Variants in TLE1 observed in about 807,000 individuals in gnomAD.
TLE1 encodes the protein TLE family member 1, transcriptional corepressor.
A neutral mutation model predicts 89.8 loss-of-function variants in TLE1; 21 were observed. The ratio of observed to expected loss-of-function variants is 0.23; its 90% CI spans 0.17 to 0.34. TLE1 has a LOEUF of 0.34. TLE1 is among the 10% of genes least tolerant of loss of function. TLE1 has a pLI of 1.00. For synonymous variants in TLE1, 447 were observed against 407.6 expected (o/e 1.10, Z -1.16); for missense variants, 795 against 1,031.2 (o/e 0.77, Z 3.14).
chr9:81,624,165 G>A (rs1588015556), intron 8 of TLE1, among the ~76,000 whole-genome samples: 1 of 152,200 alleles, frequency 6.6e-6, no homozygotes. Flanking sequence ...AATACCTGAC[G>A]CATGGTTTCT....
chr9:81,604,213 TG>T (rs1831336165), intron 14 of TLE1, among the ~76,000 whole-genome samples: 1 of 152,160 alleles, frequency 6.6e-6, no homozygotes, highest in Non-Finnish European at 1.5e-5. Flanking sequence ...TTTCCTTCCC[TG>T]CACCCCATCC....
Position 81,610,094 on chromosome 9 carries a change from A to AGGAAAAGACACCAGAAATCTCCTT in TLE1, c.1331+102_1331+125dup, listed in dbSNP as rs1350576205. The AGGAAAAGACACCAGAAATCTCCTT allele has an allele frequency of 1.7e-5, 13 of 785,932 alleles. No homozygotes were observed. In the East Asian group the frequency reaches 3.5e-4, roughly 21 times the overall value. The allele number at this position is 785,932 out of a possible 1,614,324, so 48.7% of individuals were successfully genotyped here. ...TTTATAGAAAGTGTTAACACTCCTC[A>AGGAAAAGACACCAGAAATCTCCTT]GGAAAAGACACCAGAAATCTCCTTG... On this transcript the variant is annotated intron_variant, in intron 14 of 19. Transcript: ENST00000376499.
At chr9:81,601,881 C>A (rs1444304994) in intron 14 of TLE1, among the ~76,000 whole-genome samples, 1 of 152,168 alleles carries the variant, frequency 6.6e-6, no homozygotes, top group East Asian at 1.9e-4. Flanking sequence ...CCCACCTATT[C>A]AAGGCAACGA....
At position 81,616,019 on chromosome 9, in the gene TLE1, G is replaced by A; in HGVS notation, c.881C>T (p.Ala294Val). Residue 294 changes from alanine to valine, a missense_variant, in exon 11 of 20, where the codon GCA (alanine) becomes GTA (valine). This residue lies in a region of TLE1 where 468 missense variants were observed against 509.1 expected (regional missense o/e 0.92). Coordinates refer to ENST00000376499, the MANE Select transcript of TLE1 (RefSeq NM_005077.5). ...TTTGGATTTCAAAGAAGTGGAACTT[G>A]CCGAGGAGGCCGTGGAAGCTGGACT... ...SSSPASTASS[A>V]SSTSLKSKEM... The A allele has an allele frequency of 2.5e-6, 4 of 1,613,822 alleles. No individual in the cohort carries two copies. Among genetic ancestry groups the A allele is most frequent in the Non-Finnish European group, 3.4e-6 (4 of 1,179,982 alleles).
intron 9 of TLE1, 113 bp from the exon 10 acceptor site, chr9:81,616,812 G>A (rs998716069): frequency 1.7e-6 from 2 of 1,146,862 alleles, no homozygotes; most frequent in South Asian, 2.6e-5. Context: ...AACTACCTGG[G>A]ACAGGCCTGC....
At chr9:81,602,823 G>C (rs1006604611) in intron 14 of TLE1, among the ~76,000 whole-genome samples, 54 of 151,838 alleles carry the variant, frequency 3.6e-4, no homozygotes, top group Admixed American at 3.0e-3. Context: ...TTTTAACAAA[G>C]AATAAGACTG....
At chr9:81,632,496 T>TGA (rs1554681252) in intron 8 of TLE1, among the ~76,000 whole-genome samples, 1 of 149,392 alleles carries the variant, frequency 6.7e-6, no homozygotes, top group Non-Finnish European at 1.5e-5. Flanking sequence ...TTTTTTTTTT[T>TGA]ACCATATTAA....
At chr9:81,615,708 G>A (rs1323440631) in intron 11 of TLE1, among the ~76,000 whole-genome samples, 6 of 116,066 alleles carry the variant, frequency 5.2e-5, no homozygotes, top group South Asian at 6.0e-4. Context: ...GTGAGACTCC[G>A]TCTCAAAAAA....
intron 9 of TLE1, among the ~76,000 whole-genome samples, chr9:81,619,216 T>A (rs1308472807): frequency 6.6e-6 from 1 of 152,178 alleles, no homozygotes; most frequent in South Asian, 2.1e-4. Flanking sequence ...GGGAGAATGA[T>A]ATGTGCTAAA....
At chr9:81,676,669 A>C (rs1832943306) in intron 4 of TLE1, among the ~76,000 whole-genome samples, 1 of 152,188 alleles carries the variant, frequency 6.6e-6, no homozygotes, top group Non-Finnish European at 1.5e-5. Context: ...CACAGGGGGA[A>C]GTCAAAATTT....
chr9:81,634,100 T>A lies in TLE1; in HGVS notation c.574A>T (p.Arg192Ter). 1 of 1,607,188 alleles carries A rather than the reference T, an allele frequency of 6.2e-7. No individual in the cohort carries two copies. The highest frequency in any genetic ancestry group is 8.5e-7 in the Non-Finnish European group (1 of 1,176,336). ...DKKHHDAEHH[R>*]DREPGTSNSL... is the part of the protein sequence containing the mutation. ...TCTGGCTTGCCCGGCCTCTCACCTC[T>A]GTGGTGCTCTGCATCGTGGTGCTTC... The change falls in exon 7 of 20, where the codon AGA (arginine) becomes TGA (stop). Residue 192 changes from arginine (R) to a stop codon, truncating the protein, a stop_gained. Transcript: ENST00000376499. LOFTEE classifies it high-confidence loss of function.
intron 6 of TLE1, among the ~76,000 whole-genome samples, chr9:81,642,563 G>C (rs1323413514): frequency 1.3e-5 from 2 of 151,942 alleles, no homozygotes; most frequent in Non-Finnish European, 2.9e-5. Flanking sequence ...GCATGGTGGT[G>C]GGTGCCTATA....
At chr9:81,676,663 G>T (rs1033902251) in intron 4 of TLE1, among the ~76,000 whole-genome samples, 7 of 152,174 alleles carry the variant, frequency 4.6e-5, no homozygotes, top group African/African-American at 1.4e-4. Flanking sequence ...GGTCATCACA[G>T]GGGGAAGTCA....
chr9:81,634,137 T>A lies in TLE1; in HGVS notation c.537A>T (p.Ile179=). ...SALSGQSHLA[I]KDDKKHHDAE... ...CATCGTGGTGCTTCTTGTCATCTTT[T>A]ATTGCCAAGTGAGACTGCCCACTCA... Residue 179 remains isoleucine (I), a synonymous_variant, in exon 7 of 20, where the codon ATA becomes ATT. Transcript: ENST00000376499. The A allele has an allele frequency of 1.2e-6, 2 of 1,608,548 alleles. No homozygotes were observed. Among genetic ancestry groups the A allele is most frequent in the Non-Finnish European group, 1.7e-6 (2 of 1,177,044 alleles).
chr9:81,670,996 C>T (rs975380402), intron 4 of TLE1, among the ~76,000 whole-genome samples: 1 of 151,796 alleles, frequency 6.6e-6, no homozygotes, highest in Non-Finnish European at 1.5e-5. Flanking sequence ...TGGCAAAACC[C>T]CATCTCTACT....
chr9:81,584,279 G>A lies in TLE1; in HGVS notation c.2232C>T (p.Ser744=). 1.9e-6 allele frequency: 3 copies of A among 1,614,192 alleles called. No individual in the cohort carries two copies. The highest frequency in any genetic ancestry group is 2.5e-6 in the Non-Finnish European group (3 of 1,180,022). ...FQSKESSSVL[S]CDISVDDKYI... ...ACTTATCATCCACAGAGATGTCACA[G>A]CTAAGCACTGACGAGGACTCTTTGG... Residue 744 remains serine (S), a synonymous_variant, in exon 20 of 20, where the codon AGC becomes AGT. Transcript: ENST00000376499.
At chr9:81,658,227 T>G (rs1830370944) in intron 4 of TLE1, among the ~76,000 whole-genome samples, 1 of 152,012 alleles carries the variant, frequency 6.6e-6, no homozygotes, top group Non-Finnish European at 1.5e-5. Context: ...CGATGCAATG[T>G]TTTTTAAAAA....
intron 4 of TLE1, among the ~76,000 whole-genome samples, chr9:81,662,145 C>T (rs985943605): frequency 2.6e-5 from 4 of 152,220 alleles, no homozygotes; most frequent in Non-Finnish European, 4.4e-5. Flanking sequence ...AGCAATTCAA[C>T]ACATCACAAC....
intron 8 of TLE1, 49 bp downstream of exon 8, chr9:81,633,299 G>A (rs557251940): frequency 1.2e-4 from 46 of 371,740 alleles, no homozygotes; most frequent in South Asian, 1.1e-3. Flanking sequence ...GTGTGTGTGT[G>A]TGTGTGTGTG....
Sources: gnomAD v4.1 joint callset for allele counts (sites outside exome capture counted in the v4.1 genomes callset) on GRCh38, gnomAD v4.1.1 for gene constraint, gnomAD v4.1.1 regional missense constraint, MANE v1.5 for transcripts, NCBI Gene and HGNC (gene_info 2026-07-23, HGNC 2026-07-21) for gene names.